DGKH: variants seen among roughly 807,000 people sequenced by gnomAD.
The protein encoded by DGKH is DAG kinase eta.
DGKH carries 90 observed loss-of-function variants against 159.3 expected under a neutral mutation model. The observed-to-expected ratio is 0.57, with a 90% CI of 0.48 to 0.67. The LOEUF (loss-of-function observed/expected upper bound fraction) is 0.67. DGKH is among the 30% of genes least tolerant of loss of function. The pLI, the probability that DGKH is intolerant of heterozygous loss-of-function variation, is 0.00. For missense variants in DGKH, 1,181 were observed against 1,506.1 expected, an observed-to-expected ratio of 0.78 and a Z score of 3.57; for synonymous variants, 536 against 553.8, an observed-to-expected ratio of 0.97 and a Z score of 0.45.
chr13:42,163,329 G>A (rs1956237679), intron 7 of DGKH, among the ~76,000 whole-genome samples: 1 of 152,120 alleles, frequency 6.6e-6, no homozygotes, highest in South Asian at 2.1e-4. Context: ...ACATACGTGT[G>A]CATGTGTCTT....
chr13:42,153,302 A>G (rs915438483), intron 3 of DGKH, among the ~76,000 whole-genome samples: 12 of 152,190 alleles, frequency 7.9e-5, no homozygotes, highest in Admixed American at 2.6e-4. Flanking sequence ...TTGAATTCAC[A>G]ATGACTTTAC....
intron 1 of DGKH, among the ~76,000 whole-genome samples, chr13:42,077,709 C>T (rs1234509494): frequency 2.0e-5 from 3 of 152,204 alleles, no homozygotes; most frequent in African/African-American, 7.2e-5. Context: ...TGGTTGAAGG[C>T]ATTCATATTC....
intron 1 of DGKH, among the ~76,000 whole-genome samples, chr13:42,072,715 T>C (rs964660235): frequency 6.6e-6 from 1 of 152,180 alleles, no homozygotes; most frequent in African/African-American, 2.4e-5. Flanking sequence ...TAACACCTTA[T>C]AGAATGTAAT....
Position 42,189,207 on chromosome 13 carries a change from A to G in DGKH, c.1810A>G (p.Thr604Ala). Residue 604 changes from threonine to alanine, a missense_variant, in exon 15 of 30, where the codon ACA (threonine) becomes GCA (alanine). Physicochemically the swap from Thr to Ala is moderately conservative, Grantham distance 58. Around this residue, in one of 5 missense-constraint regions of DGKH, gnomAD observed 257 missense variants for 281.5 expected, o/e 0.91. Coordinates refer to ENST00000337343, the MANE Select transcript of DGKH (RefSeq NM_178009.5). Reference protein sequence around the residue: ...ESKEQLGDDVTKPSSQKAVKP... With the variant: ...ESKEQLGDDVAKPSSQKAVKP... ...CAAAGAGCAGCTTGGGGATGACGTT[A>G]CAAAACCTTCCTCCCAGAAAGCCGT... The G allele has an allele frequency of 6.2e-7, 1 of 1,614,240 alleles. No individual in the cohort carries two copies. Among genetic ancestry groups the G allele is most frequent in the Non-Finnish European group, 8.5e-7 (1 of 1,180,046 alleles).
intron 1 of DGKH, among the ~76,000 whole-genome samples, chr13:42,116,365 A>G (rs1296961912): frequency 6.6e-6 from 1 of 152,198 alleles, no homozygotes; most frequent in African/African-American, 2.4e-5. Context: ...AGAGTGTTGA[A>G]ATCTCCCCTG....
At chr13:42,147,291 G>A (rs945917435) in intron 3 of DGKH, among the ~76,000 whole-genome samples, 1 of 152,122 alleles carries the variant, frequency 6.6e-6, no homozygotes, top group Non-Finnish European at 1.5e-5. Flanking sequence ...GAGATACCCT[G>A]GTGATGTCTT....
Position 42,155,391 on chromosome 13 carries a change from AC to A in DGKH, c.486del (p.Tyr162Ter). ...AAGTCTGTACAGACCAGAGAACCCT[AC>A]GAGGTAAAATAGCATCTTTTCTTTC... ...SLKSVQTREP[Y>X]EVAQFNVEHF... On this transcript the variant is annotated frameshift_variant, in exon 4 of 30. Transcript: ENST00000337343. LOFTEE classifies it high-confidence loss of function. 1 of 1,608,766 alleles carries A rather than the reference AC, an allele frequency of 6.2e-7. No individual in the cohort carries two copies. The highest frequency in any genetic ancestry group is 8.5e-7 in the Non-Finnish European group (1 of 1,178,406).
upstream of DGKH, among the ~76,000 whole-genome samples, chr13:42,044,951 G>T (rs1400174167): frequency 1.3e-5 from 2 of 152,148 alleles, no homozygotes; most frequent in Non-Finnish European, 2.9e-5. Context: ...CAAAAATGTG[G>T]AAGTATTTAC....
chr13:42,129,501 A>G, intron 2 of DGKH, 51 bp from the exon 3 acceptor site: 5 of 1,467,368 alleles, frequency 3.4e-6, no homozygotes, highest in Non-Finnish European at 4.7e-6. Flanking sequence ...ATTGAAGAGC[A>G]TTGAGTTAGG....
intron 25 of DGKH, 147 bp downstream of exon 25, chr13:42,214,759 A>G (rs975267112): frequency 1.9e-6 from 1 of 536,322 alleles, no homozygotes; most frequent in Admixed American, 4.3e-5. Flanking sequence ...ATCGTGGACA[A>G]CTTTTTATTT....
chr13:42,172,980 T>A (rs1007013070), intron 11 of DGKH, among the ~76,000 whole-genome samples: 5 of 151,668 alleles, frequency 3.3e-5, no homozygotes, highest in Non-Finnish European at 7.4e-5. Context: ...TGGCCTTTTT[T>A]CTTTTTTTTG....
chr13:42,132,134 G>C (rs1265615189), intron 3 of DGKH, among the ~76,000 whole-genome samples: 1 of 152,092 alleles, frequency 6.6e-6, no homozygotes, highest in Non-Finnish European at 1.5e-5. Context: ...GTTTTTTAAT[G>C]CTTTTTATTT....
At chr13:42,224,071 TTTCA>T (rs2138262209) in intron 29 of DGKH, among the ~76,000 whole-genome samples, 1 of 152,280 alleles carries the variant, frequency 6.6e-6, no homozygotes, top group African/African-American at 2.4e-5. Context: ...AAAGACATGT[TTTCA>T]TTCTTTTTTA....
upstream of DGKH, among the ~76,000 whole-genome samples, chr13:42,044,584 C>T (rs536074093): frequency 1.6e-4 from 24 of 152,268 alleles, no homozygotes; most frequent in Admixed American, 3.3e-4. Context: ...CCACTGCGCC[C>T]GCCCCAGCAC....
chr13:42,162,376 G>A (rs1057447149), intron 7 of DGKH, among the ~76,000 whole-genome samples: 8 of 152,080 alleles, frequency 5.3e-5, no homozygotes, highest in African/African-American at 1.4e-4. Context: ...AGCTGGGCAC[G>A]GTAGTGCATA....
At chr13:42,137,516 A>G (rs1375124536) in intron 3 of DGKH, among the ~76,000 whole-genome samples, 2 of 152,174 alleles carry the variant, frequency 1.3e-5, no homozygotes, top group South Asian at 2.1e-4. Flanking sequence ...TCTGGCCTCA[A>G]TTTCTATCTT....
At chr13:42,163,093 A>G (rs1316074133) in intron 7 of DGKH, among the ~76,000 whole-genome samples, 4 of 142,916 alleles carry the variant, frequency 2.8e-5, no homozygotes, top group Admixed American at 7.6e-5. Context: ...ATTCCCATCT[A>G]TGAGTGAGAA....
chr13:42,119,057 A>G (rs1196578394), intron 1 of DGKH, among the ~76,000 whole-genome samples: 2 of 152,124 alleles, frequency 1.3e-5, no homozygotes, highest in Non-Finnish European at 2.9e-5. Context: ...GCCAAGATGT[A>G]TTTTTATAGC....
At chr13:42,159,115 G>A (rs1046290392) in intron 5 of DGKH, 151 bp from the exon 6 acceptor site, 10 of 520,868 alleles carry the variant, frequency 1.9e-5, no homozygotes, top group African/African-American at 1.7e-4. Flanking sequence ...CATTACTATT[G>A]TTGCAGAATA....
Sources: allele counts gnomAD v4.1 joint callset (sites outside exome capture counted in the v4.1 genomes callset), GRCh38; gene constraint gnomAD v4.1.1; regional missense constraint gnomAD v4.1.1; transcripts MANE v1.5; gene names NCBI Gene and HGNC (gene_info 2026-07-23, HGNC 2026-07-21).